SYNE1: variants seen among roughly 807,000 people sequenced by gnomAD.
The protein encoded by SYNE1 is spectrin repeat containing nuclear envelope protein 1, also known as nesprin-1.
Under a neutral mutation model 1,111.0 loss-of-function variants are expected in SYNE1, and 616 were observed. That is an observed-to-expected ratio of 0.55 (90% CI 0.52 to 0.59). The LOEUF (loss-of-function observed/expected upper bound fraction) is 0.59, where lower values mean the gene tolerates loss of function less well. Ranked by LOEUF, SYNE1 falls within the 20% of genes least tolerant of loss-of-function variation. The probability of loss-of-function intolerance (pLI) is 0.00; values close to 1 mark genes in which losing one functional copy is unlikely to be tolerated. For synonymous variants in SYNE1, 3,855 were observed against 3,825.8 expected, an observed-to-expected ratio of 1.01 and a Z score of -0.28; for missense variants, 10,006 against 10,417.0, an observed-to-expected ratio of 0.96 and a Z score of 1.72.
chr6:152,595,119 T>C (rs1005978882), intron 3 of SYNE1, among the ~76,000 whole-genome samples: 2 of 152,216 alleles, frequency 1.3e-5, no homozygotes, highest in Non-Finnish European at 2.9e-5. Flanking sequence ...CTGTCTTTTG[T>C]TCTGAACTAA....
At position 152,321,399 on chromosome 6, in the gene SYNE1, A is replaced by G; in HGVS notation, c.16084-9T>C. 1.2e-6 allele frequency: 2 copies of G among 1,613,442 alleles called. No homozygotes were observed. Among genetic ancestry groups the G allele is most frequent in the African/African-American group, 1.3e-5 (1 of 75,048 alleles). The stretch of plus-strand genomic sequence containing the variant: ...GCTTCTGTTAGGAGAATCTGAAGAA[A>G]AGATCAAAATAAGAAATTTCTGGGA... On this transcript the variant is annotated splice_polypyrimidine_tract_variant and intron_variant, in intron 83 of 145. Transcript: ENST00000367255.
At chr6:152,125,992 G>A (rs1562846997) in intron 145 of SYNE1, 1 of 152,348 alleles carries the variant, frequency 6.6e-6, no homozygotes, top group Admixed American at 6.5e-5. Context: ...GCCCATTTTT[G>A]ATAAAAATGT....
At chr6:152,472,208 TA>T (rs1001335498) in intron 15 of SYNE1, 92 bp downstream of exon 15, 1,325 of 1,127,118 alleles carry the variant, frequency 1.2e-3, no homozygotes, top group Non-Finnish European at 1.4e-3. Flanking sequence ...GCGCCTCTGT[TA>T]AAAAAAAATC....
intron 14 of SYNE1, among the ~76,000 whole-genome samples, chr6:152,482,559 A>G (rs184394668): frequency 6.6e-6 from 1 of 152,322 alleles, no homozygotes; most frequent in African/African-American, 2.4e-5. Flanking sequence ...AAGAGGAAAT[A>G]TATTGGAAAT....
chr6:152,264,547 A>C (rs1429131289), intron 100 of SYNE1, among the ~76,000 whole-genome samples: 2 of 152,148 alleles, frequency 1.3e-5, no homozygotes, highest in African/African-American at 4.8e-5. Flanking sequence ...CTGTAATCCC[A>C]ACACTTTGGG....
chr6:152,574,298 T>C (rs2099487427), intron 3 of SYNE1, among the ~76,000 whole-genome samples: 1 of 151,562 alleles, frequency 6.6e-6, no homozygotes, highest in African/African-American at 2.4e-5. Context: ...ATATATATAA[T>C]ATATATTTGT....
chr6:152,407,536 A>G (rs1259899848), intron 44 of SYNE1, among the ~76,000 whole-genome samples: 2 of 152,198 alleles, frequency 1.3e-5, no homozygotes, highest in African/African-American at 4.8e-5. Context: ...TGTTGTATTT[A>G]TTTTTGAAAG....
At chr6:152,596,098 TAAAAA>T (rs71017542) in intron 3 of SYNE1, among the ~76,000 whole-genome samples, 10 of 18,590 alleles carry the variant, frequency 5.4e-4, no homozygotes, top group African/African-American at 1.3e-3. Flanking sequence ...AAGGGCAATC[TAAAAA>T]AAAAAAAAAA....
intron 52 of SYNE1, among the ~76,000 whole-genome samples, chr6:152,391,038 C>T (rs745765982): frequency 2.0e-5 from 3 of 152,124 alleles, no homozygotes; most frequent in Non-Finnish European, 4.4e-5. Context: ...TATTCAGTAA[C>T]GCTTGCTGAA....
At chr6:152,630,919 C>G (rs749069755) in intron 2 of SYNE1, among the ~76,000 whole-genome samples, 1 of 152,170 alleles carries the variant, frequency 6.6e-6, no homozygotes, top group South Asian at 2.1e-4. Context: ...TCTCTCGTTA[C>G]ATTAAACTCA....
In SYNE1 at chr6:152,350,730, T is replaced by G. The variant is rs13210127; in HGVS notation, c.11621A>C (p.Lys3874Thr). 0.026 allele frequency: 42,279 copies of G among 1,614,084 alleles called. 1,203 individuals carry two copies. Among genetic ancestry groups the G allele is most frequent in the East Asian group, 0.16 (7,008 of 44,854 alleles). Residue 3874 changes from lysine to threonine, a missense_variant, in exon 71 of 146, where the codon AAG (lysine) becomes ACG (threonine). By Grantham distance (78) the Lys-to-Thr change is moderately conservative (BLOSUM62 -1). Around this residue, in one of 7 missense-constraint regions of SYNE1, gnomAD observed 4,955 missense variants for 5,017.2 expected, o/e 0.99. Coordinates refer to ENST00000367255, the MANE Select transcript of SYNE1 (RefSeq NM_182961.4). Reference sequence around the variant, plus strand: ...AGCTTCACCCTTCTCTCTCACTGACTTTACTGATGGTTCATGGGACAGCAC... The same window carrying G: ...AGCTTCACCCTTCTCTCTCACTGACGTTACTGATGGTTCATGGGACAGCAC... ...QTVLSHEPSV[K>T]SVREKGEALL...
At chr6:152,480,844 A>G in intron 14 of SYNE1, 1 of 451,376 alleles carries the variant, frequency 2.2e-6, no homozygotes, top group African/African-American at 2.0e-5. Flanking sequence ...ATTTTCTCCA[A>G]CTCCTGCCCC....
At chr6:152,364,722 A>G (rs549662402) in intron 63 of SYNE1, 125 bp downstream of exon 63, 102 of 1,068,590 alleles carry the variant, frequency 9.5e-5, no homozygotes, top group Admixed American at 2.2e-4. Flanking sequence ...GGAAGGAAGG[A>G]AGGAAGGGAG....
At chr6:152,539,767 A>G (rs1353905540) in intron 4 of SYNE1, among the ~76,000 whole-genome samples, 193 bp downstream of exon 4, 1 of 152,206 alleles carries the variant, frequency 6.6e-6, no homozygotes, top group Non-Finnish European at 1.5e-5. Flanking sequence ...GACTCTAGCT[A>G]TAAGTTCATT....
intron 3 of SYNE1, among the ~76,000 whole-genome samples, chr6:152,612,713 A>G (rs1317840583): frequency 2.0e-5 from 3 of 152,166 alleles, no homozygotes; most frequent in Admixed American, 6.6e-5. Context: ...ATTTTAGACC[A>G]ATATCCATGA....
At position 152,330,068 on chromosome 6, in the gene SYNE1, C is replaced by T. The variant is rs2153969748; in HGVS notation, c.14617G>A (p.Gly4873Ser). ...CTCTCACATTCTGTCACCGTCTCAC[C>T]AATGGCAGAAGTCAACAGTTTTAAC... ...GELKLLTSAI[G>S]ETVTECESRM... Residue 4873 changes from glycine to serine, a missense_variant, in exon 78 of 146, where the codon GGT becomes AGT. Around this residue, in one of 7 missense-constraint regions of SYNE1, gnomAD observed 4,955 missense variants for 5,017.2 expected, o/e 0.99. Transcript: ENST00000367255. 2 of 1,614,140 alleles carry T rather than the reference C, an allele frequency of 1.2e-6. No homozygotes were observed. Among genetic ancestry groups the T allele is most frequent in the Non-Finnish European group, 1.7e-6 (2 of 1,180,008 alleles).
At chr6:152,183,090 C>A (rs922327545) in intron 128 of SYNE1, among the ~76,000 whole-genome samples, 1 of 152,144 alleles carries the variant, frequency 6.6e-6, no homozygotes, top group Non-Finnish European at 1.5e-5. Flanking sequence ...CCAAATAGCA[C>A]TGAAGAACAT....
At chr6:152,455,285 C>G (rs898544551) in intron 24 of SYNE1, 141 bp downstream of exon 24, 7 of 831,854 alleles carry the variant, frequency 8.4e-6, no homozygotes, top group African/African-American at 6.8e-5. Flanking sequence ...ATCTTTGGGT[C>G]TCATACCTAA....
chr6:152,156,416 T>A (rs867988716), intron 131 of SYNE1, among the ~76,000 whole-genome samples: 9 of 152,276 alleles, frequency 5.9e-5, no homozygotes, highest in Middle Eastern at 3.4e-3. Flanking sequence ...CACGAATACA[T>A]CACTTTCATT....
Sources: allele counts gnomAD v4.1 joint callset (sites outside exome capture counted in the v4.1 genomes callset), GRCh38; gene constraint gnomAD v4.1.1; regional missense constraint gnomAD v4.1.1; transcripts MANE v1.5; gene names NCBI Gene and HGNC (gene_info 2026-07-23, HGNC 2026-07-21).